Variants in HMOX1 observed in about 807,000 individuals in gnomAD.
HMOX1 encodes heme oxygenase 1.
In HMOX1, 22 loss-of-function variants were observed where a neutral mutation model predicts 27.8. The ratio of observed to expected loss-of-function variants is 0.79; its 90% CI spans 0.57 to 1.13. HMOX1 has a LOEUF of 1.13. HMOX1 is among the 50% of genes most tolerant of loss of function. The pLI is 0.00. For missense variants in HMOX1, 379 were observed against 377.7 expected, an observed-to-expected ratio of 1.00 and a Z score of -0.03; for synonymous variants, 153 against 151.6, an observed-to-expected ratio of 1.01 and a Z score of -0.07.
chr22:35,392,037 C>G (rs1322094310), intron 4 of HMOX1, among the ~76,000 whole-genome samples: 24 of 151,640 alleles, frequency 1.6e-4, no homozygotes, highest in African/African-American at 5.1e-4. Flanking sequence ...CCAACCTGGC[C>G]AATGTGGTGA....
At chr22:35,389,430 A>T (rs5750104) in intron 3 of HMOX1, among the ~76,000 whole-genome samples, 10,220 of 33,310 alleles carry the variant, frequency 0.31, 1,101 homozygotes, top group East Asian at 0.43. Context: ...CTTTCTTTCT[A>T]TCTTTCTTTC....
In HMOX1 at chr22:35,391,557, A is replaced by C. The variant is rs180810052; in HGVS notation, c.736+1594A>C. ...CCGCCTCGGCCTCCCAAAGTGCTGT[A>C]ATTACAGGTGTGAGCCACCGCGCCC... On this transcript the variant is annotated intron_variant, in intron 4 of 4. Transcript: ENST00000216117. Among the ~76,000 whole-genome samples the C allele has an allele frequency of 3.5e-3, 495 of 142,852 alleles. 2 individuals carry two copies. The highest frequency in any genetic ancestry group is 0.012 in the African/African-American group (450 of 37,752). 93.7% of individuals were successfully genotyped at this position (142,852 alleles called of 152,430 possible). A position where few individuals can be genotyped will look rare whatever the true frequency, so the allele number is the denominator to read the frequency against.
In HMOX1 at chr22:35,389,908, C is replaced by T; in HGVS notation, c.681C>T (p.Asp227=). The change falls in exon 4 of 5, where the codon GAC becomes GAT. Residue 227 remains aspartate (D), a synonymous_variant. Coordinates refer to ENST00000216117, the MANE Select transcript of HMOX1 (RefSeq NM_002133.3). The part of the protein sequence containing the change: ...LQELLTHDTK[D]QSPSRAPGLR... Reference sequence around the variant, plus strand: ...AGCTGCTGACCCATGACACCAAGGACCAGAGCCCCTCACGGGCACCAGGGC... The same window carrying T: ...AGCTGCTGACCCATGACACCAAGGATCAGAGCCCCTCACGGGCACCAGGGC... 6.2e-7 allele frequency: 1 copy of T among 1,612,130 alleles called. No individual in the cohort carries two copies. The highest frequency in any genetic ancestry group is 8.5e-7 in the Non-Finnish European group (1 of 1,179,774).
Position 35,389,305 on chromosome 22 carries a change from T to C in HMOX1, c.637-559T>C, listed in dbSNP as rs1569057328. On this transcript the variant is annotated intron_variant, in intron 3 of 4. Coordinates refer to ENST00000216117, the MANE Select transcript of HMOX1 (RefSeq NM_002133.3). The stretch of plus-strand genomic sequence containing the variant: ...TCTCTCTCTCTTCTTTCTTCTTTCT[T>C]TCTTTCTTTCTTTCTTCTTTCTTTC... Among the ~76,000 whole-genome samples, 20 of 129,320 alleles carry C rather than the reference T, an allele frequency of 1.5e-4. 1 individual carries two copies. The highest frequency in any genetic ancestry group is 7.0e-4 in the African/African-American group (18 of 25,758). The allele number at this position is 129,320 out of a possible 152,430, so 84.8% of individuals were successfully genotyped here.
Position 35,389,932 on chromosome 22 carries a change from G to T in HMOX1, c.705G>T (p.Gly235=), listed in dbSNP as rs772823309. The T allele has an allele frequency of 6.2e-7, 1 of 1,611,898 alleles. No individual in the cohort carries two copies. The change falls in exon 4 of 5, where the codon GGG becomes GGT. Residue 235 remains glycine (G), a synonymous_variant. Coordinates refer to ENST00000216117, the MANE Select transcript of HMOX1 (RefSeq NM_002133.3). ...ACCAGAGCCCCTCACGGGCACCAGG[G>T]CTTCGCCAGCGGGCCAGCAACAAAG... ...TKDQSPSRAP[G]LRQRASNKVQ... is the part of the protein sequence containing the mutation.
chr22:35,389,862 A>G lies in HMOX1; in HGVS notation c.637-2A>G. 2 of 1,601,684 alleles carry G rather than the reference A, an allele frequency of 1.2e-6. No individual in the cohort carries two copies. The highest frequency in any genetic ancestry group is 1.7e-6 in the Non-Finnish European group (2 of 1,174,112). On this transcript the variant is annotated splice_acceptor_variant, in intron 3 of 4. Coordinates refer to ENST00000216117, the MANE Select transcript of HMOX1 (RefSeq NM_002133.3). LOFTEE classifies it high-confidence loss of function. ...TAGGCATGTGTGTCTTTTGTCTTTT[A>G]GCTCTTTGAGGAGTTGCAGGAGCTG...
intron 2 of HMOX1, among the ~76,000 whole-genome samples, chr22:35,385,313 G>A (rs1931475653): frequency 6.6e-6 from 1 of 152,052 alleles, no homozygotes; most frequent in Non-Finnish European, 1.5e-5. Flanking sequence ...TGGGTCCCTG[G>A]CAATGCCCGG....
chr22:35,389,723 G>T, intron 3 of HMOX1, 141 bp from the exon 4 acceptor site: 4 of 696,458 alleles, frequency 5.7e-6, no homozygotes, highest in South Asian at 4.6e-5. Flanking sequence ...TTACAGGGGC[G>T]CACCACCGTG....
At chr22:35,389,675 C>CT (rs3216831) in intron 3 of HMOX1, among the ~76,000 whole-genome samples, 189 bp from the exon 4 acceptor site, 66,742 of 151,224 alleles carry the variant, frequency 0.44, 15,702 homozygotes, top group African/African-American at 0.62. Context: ...AACTTCTGAC[C>CT]CGTGATGTGC....
chr22:35,390,208 G>A (rs535448681), intron 4 of HMOX1: 15 of 536,444 alleles, frequency 2.8e-5, no homozygotes, highest in East Asian at 6.6e-5. Context: ...TTACAGGCGC[G>A]AGCCACCATG....
intron 2 of HMOX1, among the ~76,000 whole-genome samples, chr22:35,383,575 G>A (rs8139532): frequency 0.15 from 23,357 of 152,146 alleles, 3,755 homozygotes; most frequent in African/African-American, 0.41. Context: ...GTGACTAACA[G>A]AAGGTCACAC....
chr22:35,381,224 G>T (rs764840447), intron 1 of HMOX1, 28 bp downstream of exon 1: 32 of 1,544,574 alleles, frequency 2.1e-5, no homozygotes, highest in Non-Finnish European at 2.8e-5. Context: ...GACGCGGGAC[G>T]GGCGCCTTTC....
Position 35,393,988 on chromosome 22 carries a change from C to T in HMOX1, c.*390C>T. On this transcript the variant is annotated 3_prime_UTR_variant, in exon 5 of 5. Coordinates refer to ENST00000216117, the MANE Select transcript of HMOX1 (RefSeq NM_002133.3). ...GGGCCATGGCAATTTTTACACAAACCTGAAAAGATGTTGTGTCTTGTGTTT... is the reference window on the plus strand; with the variant it reads ...GGGCCATGGCAATTTTTACACAAACTTGAAAAGATGTTGTGTCTTGTGTTT... 3.0e-6 allele frequency: 1 copy of T among 329,414 alleles called. No individual in the cohort carries two copies. The highest frequency in any genetic ancestry group is 2.6e-5 in the South Asian group (1 of 38,302). The allele number at this position is 329,414 out of a possible 1,614,324, so 20.4% of individuals were successfully genotyped here.
chr22:35,386,597 G>T, intron 2 of HMOX1, 88 bp from the exon 3 acceptor site: 2 of 1,560,360 alleles, frequency 1.3e-6, no homozygotes, highest in South Asian at 1.1e-5. Context: ...AGTGAGGAGG[G>T]CCTTTCCAAA....
chr22:35,385,181 T>C (rs1931473618), intron 2 of HMOX1, among the ~76,000 whole-genome samples: 2 of 152,146 alleles, frequency 1.3e-5, no homozygotes, highest in Admixed American at 1.3e-4. Flanking sequence ...GGGTTCAGAA[T>C]AGGCCTCCAG....
At chr22:35,381,382 G>A (rs1931385924) in intron 1 of HMOX1, 186 bp downstream of exon 1, 1 of 665,646 alleles carries the variant, frequency 1.5e-6, no homozygotes, top group Non-Finnish European at 2.6e-6. Flanking sequence ...GGGAGGAACG[G>A]TAATTTACAT....
At chr22:35,383,801 A>G in intron 2 of HMOX1, among the ~76,000 whole-genome samples, 1 of 152,202 alleles carries the variant, frequency 6.6e-6, no homozygotes, top group East Asian at 1.9e-4. Context: ...GTAAAAGAGT[A>G]TTTCAACAGC....
At chr22:35,386,490 T>C (rs1468955605) in intron 2 of HMOX1, among the ~76,000 whole-genome samples, 195 bp from the exon 3 acceptor site, 2 of 152,202 alleles carry the variant, frequency 1.3e-5, no homozygotes, top group Admixed American at 6.5e-5. Context: ...GCTGAGAAAG[T>C]GCATGATCGT....
intron 2 of HMOX1, among the ~76,000 whole-genome samples, chr22:35,384,866 G>C (rs959605505): frequency 6.6e-6 from 1 of 151,094 alleles, no homozygotes; most frequent in African/African-American, 2.4e-5. Flanking sequence ...GCTGGGACCA[G>C]AGAAAGCAAG....
Sources: gnomAD v4.1 joint callset for allele counts (sites outside exome capture counted in the v4.1 genomes callset) on GRCh38, gnomAD v4.1.1 for gene constraint, MANE v1.5 for transcripts, NCBI Gene and HGNC (gene_info 2026-07-23, HGNC 2026-07-21) for gene names.